The following FYN variants were observed in gnomAD, a reference collection of about 807,000 sequenced individuals.
FYN encodes the protein tyrosine-protein kinase Fyn.
FYN carries 10 observed loss-of-function variants against 70.2 expected under a neutral mutation model. That is an observed-to-expected ratio of 0.14 (90% CI 0.09 to 0.24). The LOEUF is 0.24. Among genes scored for constraint, FYN ranks in the 10% least tolerant of loss-of-function variants. FYN has a pLI of 1.00. For missense variants in FYN, 319 were observed against 673.1 expected (o/e 0.47, Z 5.82); for synonymous variants, 236 against 248.6 (o/e 0.95, Z 0.48).
intron 4 of FYN, among the ~76,000 whole-genome samples, chr6:111,717,415 C>A (rs1364222464): frequency 1.3e-5 from 2 of 152,000 alleles, no homozygotes; most frequent in East Asian, 3.8e-4. Flanking sequence ...GGTCTCTCTG[C>A]ACTTCAGAGT....
intron 7 of FYN, among the ~76,000 whole-genome samples, chr6:111,703,470 T>C (rs1266322723): frequency 6.6e-6 from 1 of 152,174 alleles, no homozygotes; most frequent in Admixed American, 6.5e-5. Context: ...AGAAGTGAGC[T>C]TCAAGCTTCT....
intron 3 of FYN, among the ~76,000 whole-genome samples, chr6:111,753,441 C>T (rs1802574214): frequency 1.3e-5 from 2 of 152,096 alleles, no homozygotes; most frequent in African/African-American, 4.8e-5. Context: ...TAAAATGGGG[C>T]TCTGAGCTCT....
chr6:111,740,739 T>C (rs903907757), intron 3 of FYN, among the ~76,000 whole-genome samples: 3 of 152,172 alleles, frequency 2.0e-5, no homozygotes, highest in Non-Finnish European at 4.4e-5. Flanking sequence ...CTCTGCTCTG[T>C]TTTACTTCAG....
rs1297217789 is a variant in FYN, at chr6:111,719,156, T to C, written c.247+649A>G. Among the ~76,000 whole-genome samples the C allele has an allele frequency of 9.2e-5, 14 of 152,148 alleles. No individual in the cohort carries two copies. In the East Asian group the frequency reaches 1.4e-3, roughly 15 times the overall value. ...CATGGTTCACATACTCAGAGAAAAT[T>C]TGGATGACTAGGGATGCATGACATA... On this transcript the variant is annotated intron_variant, in intron 4 of 13. Coordinates refer to ENST00000354650, the MANE Select transcript of FYN (RefSeq NM_002037.5).
intron 10 of FYN, among the ~76,000 whole-genome samples, chr6:111,695,858 T>C (rs187453471): frequency 6.6e-6 from 1 of 152,272 alleles, no homozygotes; most frequent in East Asian, 1.9e-4. Flanking sequence ...AAAAAGATGT[T>C]GAAATGATGG....
At chr6:111,777,303 C>G (rs574598666) in intron 3 of FYN, among the ~76,000 whole-genome samples, 1 of 151,738 alleles carries the variant, frequency 6.6e-6, no homozygotes, top group Non-Finnish European at 1.5e-5. Flanking sequence ...ATTTTCTGAA[C>G]GAATTTAAGT....
At chr6:111,809,569 C>T (rs1772258693) in intron 2 of FYN, among the ~76,000 whole-genome samples, 2 of 152,084 alleles carry the variant, frequency 1.3e-5, no homozygotes, top group South Asian at 2.1e-4. Flanking sequence ...AGAACATGAA[C>T]CTTATTTATT....
At position 111,726,270 on chromosome 6, in the gene FYN, T is replaced by C. The variant is rs574679888; in HGVS notation, c.-11-6208A>G. Among the ~76,000 whole-genome samples the C allele has an allele frequency of 2.5e-4, 38 of 152,318 alleles. 1 individual carries two copies. In the South Asian group the frequency reaches 7.5e-3, roughly 30 times the overall value. ...AGCTACTAAGTTTGTAGTACTTTGT[T>C]AGGCAGCAGCAGAAAACTAATACAT... On this transcript the variant is annotated intron_variant, in intron 3 of 13. Transcript: ENST00000354650.
At chr6:111,677,306 G>A (rs553147420) in intron 12 of FYN, among the ~76,000 whole-genome samples, 3 of 152,132 alleles carry the variant, frequency 2.0e-5, no homozygotes, top group Non-Finnish European at 4.4e-5. Context: ...AAGACAAAAG[G>A]TTAAATCAAA....
At chr6:111,831,006 CT>C in intron 2 of FYN, among the ~76,000 whole-genome samples, 1 of 152,146 alleles carries the variant, frequency 6.6e-6, no homozygotes, top group Non-Finnish European at 1.5e-5. Context: ...CCACACATAT[CT>C]TTGGGTCCTT....
At chr6:111,687,809 T>G (rs1799089169) in intron 12 of FYN, among the ~76,000 whole-genome samples, 1 of 152,326 alleles carries the variant, frequency 6.6e-6, no homozygotes, top group African/African-American at 2.4e-5. Context: ...ATGATATAGA[T>G]AACTATTATT....
At chr6:111,814,233 G>A (rs532219449) in intron 2 of FYN, 1 of 152,218 alleles carries the variant, frequency 6.6e-6, no homozygotes, top group African/African-American at 2.4e-5. Flanking sequence ...ATGATGGGGA[G>A]AAAACAAAAC....
intron 1 of FYN, among the ~76,000 whole-genome samples, chr6:111,870,500 T>C (rs758861956): frequency 2.7e-4 from 41 of 152,220 alleles, no homozygotes; most frequent in Non-Finnish European, 5.1e-4. Flanking sequence ...ACCAAAGACC[T>C]AACTCACATT....
intron 7 of FYN, among the ~76,000 whole-genome samples, chr6:111,703,753 T>A (rs1327611667): frequency 6.6e-6 from 1 of 152,224 alleles, no homozygotes; most frequent in African/African-American, 2.4e-5. Flanking sequence ...CTTGTGTGCC[T>A]GGAGCAGTGT....
At chr6:111,823,897 AG>A (rs552758183) in intron 2 of FYN, among the ~76,000 whole-genome samples, 2 of 152,226 alleles carry the variant, frequency 1.3e-5, no homozygotes, top group African/African-American at 2.4e-5. Flanking sequence ...TCCCATTTGT[AG>A]CTGACGTATA....
chr6:111,748,599 T>C (rs979105652), intron 3 of FYN, among the ~76,000 whole-genome samples: 3 of 152,018 alleles, frequency 2.0e-5, no homozygotes, highest in Admixed American at 6.6e-5. Flanking sequence ...TTCATCCATA[T>C]AGACCTGTGC....
intron 2 of FYN, among the ~76,000 whole-genome samples, chr6:111,842,545 C>G (rs1773394349): frequency 6.6e-6 from 1 of 152,212 alleles, no homozygotes; most frequent in Non-Finnish European, 1.5e-5. Flanking sequence ...ACTGGAGACA[C>G]ATCCTCATGT....
chr6:111,691,548 C>G (rs139433251), intron 12 of FYN, among the ~76,000 whole-genome samples: 80 of 152,286 alleles, frequency 5.3e-4, no homozygotes, highest in African/African-American at 1.9e-3. Flanking sequence ...CAGCACACAG[C>G]ACACATGCCA....
chr6:111,680,344 G>A (rs1336181297), intron 12 of FYN, among the ~76,000 whole-genome samples: 1 of 152,172 alleles, frequency 6.6e-6, no homozygotes, highest in Non-Finnish European at 1.5e-5. Context: ...ATAAATGAAT[G>A]GCTATTATAT....
Sources: allele counts gnomAD v4.1 joint callset (sites outside exome capture counted in the v4.1 genomes callset), GRCh38; gene constraint gnomAD v4.1.1; transcripts MANE v1.5; gene names NCBI Gene and HGNC (gene_info 2026-07-23, HGNC 2026-07-21).